NCKAP5: variants seen among roughly 807,000 people sequenced by gnomAD.
NCKAP5 encodes NCK associated protein 5.
NCKAP5 carries 92 observed loss-of-function variants against 167.0 expected under a neutral mutation model. That is an observed-to-expected ratio of 0.55 (90% confidence interval 0.47 to 0.66). The LOEUF (loss-of-function observed/expected upper bound fraction) is 0.66, where lower values mean the gene tolerates loss of function less well. Among genes scored for constraint, NCKAP5 ranks in the 30% least tolerant of loss-of-function variants. NCKAP5 has a pLI of 0.00. For synonymous variants in NCKAP5, 891 were observed against 877.4 expected (o/e 1.02, Z -0.27); for missense variants, 2,378 against 2,315.0 (o/e 1.03, Z -0.56).
Position 132,802,097 on chromosome 2 carries a change from A to G in NCKAP5, c.808-5368T>C, listed in dbSNP as rs1685086358. The stretch of plus-strand genomic sequence containing the variant: ...CCAGCCCCTCCAACTATTAAAAGCC[A>G]AATATCGGCACAAAAGAGAAGTTTT... On this transcript the variant is annotated intron_variant, in intron 11 of 19. Coordinates refer to ENST00000409261, the MANE Select transcript of NCKAP5 (RefSeq NM_207363.3). 3.9e-5 allele frequency among the ~76,000 whole-genome samples: 6 copies of G among 152,314 alleles called. 1 individual carries two copies. In the South Asian group the frequency reaches 1.2e-3, roughly 32 times the overall value.
intron 3 of NCKAP5, among the ~76,000 whole-genome samples, chr2:133,507,363 G>C (rs572470942): frequency 6.6e-6 from 1 of 152,172 alleles, no homozygotes; most frequent in African/African-American, 2.4e-5. Context: ...AGCAGTCAAC[G>C]AATTAATTGC....
chr2:132,956,810 A>G (rs541411329), intron 8 of NCKAP5, among the ~76,000 whole-genome samples: 72 of 152,290 alleles, frequency 4.7e-4, no homozygotes, highest in African/African-American at 1.6e-3. Context: ...TGGTGCTCTT[A>G]GCAGCACTCA....
chr2:133,050,775 C>T (rs945202844), intron 6 of NCKAP5, among the ~76,000 whole-genome samples: 2 of 152,140 alleles, frequency 1.3e-5, no homozygotes, highest in African/African-American at 4.8e-5. Context: ...TGTTGACTAA[C>T]TATTTGAGTG....
In NCKAP5 at chr2:132,867,779, G is replaced by A. The variant is rs192839412; in HGVS notation, c.687+1157C>T. Among the ~76,000 whole-genome samples the A allele has an allele frequency of 1.0e-3, 157 of 152,206 alleles. 1 individual carries two copies. The highest frequency in any genetic ancestry group is 3.6e-3 in the African/African-American group (148 of 41,540). On this transcript the variant is annotated intron_variant, in intron 10 of 19. Transcript: ENST00000409261. Reference sequence around the variant, plus strand: ...ACCATTCCTGTTCGGCCTACCTGTCGGTTTATATGTGAGAAAGAACTAACA... The same window carrying A: ...ACCATTCCTGTTCGGCCTACCTGTCAGTTTATATGTGAGAAAGAACTAACA...
intron 6 of NCKAP5, among the ~76,000 whole-genome samples, chr2:133,072,071 T>G (rs1466261261): frequency 6.8e-6 from 1 of 147,446 alleles, no homozygotes; most frequent in Non-Finnish European, 1.5e-5. Context: ...TGCTGTTTCA[T>G]TTATCCAGGC....
chr2:132,948,679 T>C (rs887227958), intron 8 of NCKAP5, among the ~76,000 whole-genome samples: 1 of 152,000 alleles, frequency 6.6e-6, no homozygotes, highest in Non-Finnish European at 1.5e-5. Context: ...AGAGATGAAA[T>C]GCACCAGTAC....
intron 3 of NCKAP5, among the ~76,000 whole-genome samples, chr2:133,310,076 AT>A (rs1315044351): frequency 6.6e-6 from 1 of 152,166 alleles, no homozygotes; most frequent in Non-Finnish European, 1.5e-5. Flanking sequence ...CAACAAAGTA[AT>A]TTTTAAGCGG....
At chr2:133,429,921 T>A (rs1206524932) in intron 3 of NCKAP5, among the ~76,000 whole-genome samples, 1 of 152,180 alleles carries the variant, frequency 6.6e-6, no homozygotes, top group Non-Finnish European at 1.5e-5. Flanking sequence ...GGGGCTGAAC[T>A]AATTTGCATT....
chr2:133,608,846 C>G, the NCKAP5 span, among the ~76,000 whole-genome samples: 2 of 152,206 alleles, frequency 1.3e-5, no homozygotes. Context: ...AGACCAAACT[C>G]TACATGGCAC....
chr2:133,013,583 C>T (rs1325529192), intron 6 of NCKAP5, among the ~76,000 whole-genome samples: 1 of 152,110 alleles, frequency 6.6e-6, no homozygotes, highest in African/African-American at 2.4e-5. Context: ...AATTCAATGA[C>T]CTCTTACTGG....
At chr2:133,452,090 T>C (rs536390322) in intron 3 of NCKAP5, among the ~76,000 whole-genome samples, 31 of 152,300 alleles carry the variant, frequency 2.0e-4, no homozygotes, top group African/African-American at 7.0e-4. Flanking sequence ...CACTCCACTA[T>C]AATAATATTT....
chr2:133,226,999 G>C (rs1371072362), intron 4 of NCKAP5, among the ~76,000 whole-genome samples: 1 of 152,232 alleles, frequency 6.6e-6, no homozygotes, highest in Non-Finnish European at 1.5e-5. Context: ...TCCAAGCAAA[G>C]TGTGATGTAT....
chr2:133,291,878 G>C (rs1466193108), intron 4 of NCKAP5, among the ~76,000 whole-genome samples: 2 of 152,190 alleles, frequency 1.3e-5, no homozygotes, highest in African/African-American at 4.8e-5. Context: ...GCCATCCTTA[G>C]CTCTTTGGAT....
At chr2:133,412,440 C>T (rs1688835264) in intron 3 of NCKAP5, among the ~76,000 whole-genome samples, 1 of 152,102 alleles carries the variant, frequency 6.6e-6, no homozygotes, top group South Asian at 2.1e-4. Context: ...AGTGTGGGTG[C>T]GAGGCTCTGC....
At chr2:132,808,423 C>T (rs537501934) in intron 11 of NCKAP5, among the ~76,000 whole-genome samples, 1 of 152,030 alleles carries the variant, frequency 6.6e-6, no homozygotes, top group Non-Finnish European at 1.5e-5. Flanking sequence ...TTTAAATTAC[C>T]AGTTCAATCT....
At chr2:133,108,910 C>T (rs2081811927) in intron 6 of NCKAP5, among the ~76,000 whole-genome samples, 1 of 152,174 alleles carries the variant, frequency 6.6e-6, no homozygotes, top group Non-Finnish European at 1.5e-5. Flanking sequence ...TGTGTGTATA[C>T]ACATATTTTC....
At chr2:133,153,735 C>T (rs2083462345) in intron 5 of NCKAP5, among the ~76,000 whole-genome samples, 1 of 149,672 alleles carries the variant, frequency 6.7e-6, no homozygotes, top group South Asian at 2.1e-4. Flanking sequence ...TTCCTTGGTC[C>T]TAGAATGCCT....
Position 133,213,699 on chromosome 2 carries a change from C to T in NCKAP5, c.207+17G>A, listed in dbSNP as rs559288717. On this transcript the variant is annotated intron_variant, in intron 5 of 19. Coordinates refer to ENST00000409261, the MANE Select transcript of NCKAP5 (RefSeq NM_207363.3). ...CTCTGGATGTTGTGGAATGAGGGGACGGCAGTCAGGACTTACCATGGCCCC... is the reference window on the plus strand; with the variant it reads ...CTCTGGATGTTGTGGAATGAGGGGATGGCAGTCAGGACTTACCATGGCCCC... 2.9e-5 allele frequency: 46 copies of T among 1,612,924 alleles called. No homozygotes were observed. The highest frequency in any genetic ancestry group is 2.7e-4 in the African/African-American group (20 of 74,988).
chr2:133,553,308 G>T (rs1687506129), intron 2 of NCKAP5, among the ~76,000 whole-genome samples: 1 of 152,192 alleles, frequency 6.6e-6, no homozygotes, highest in Admixed American at 6.5e-5. Flanking sequence ...AGAGCAATGA[G>T]TTGCCAAACC....
Sources: gnomAD v4.1 joint callset for allele counts (sites outside exome capture counted in the v4.1 genomes callset) on GRCh38, gnomAD v4.1.1 for gene constraint, MANE v1.5 for transcripts, NCBI Gene and HGNC (gene_info 2026-07-23, HGNC 2026-07-21) for gene names.